The following MEGF10 variants were observed in gnomAD, a reference collection of about 807,000 sequenced individuals.
MEGF10 encodes the protein multiple EGF like domains 10.
A neutral mutation model predicts 147.5 loss-of-function variants in MEGF10; 86 were observed. That is an observed-to-expected ratio of 0.58 (90% CI 0.49 to 0.70). The LOEUF (loss-of-function observed/expected upper bound fraction) is 0.70. Among genes scored for constraint, MEGF10 ranks in the 30% least tolerant of loss-of-function variants. The pLI, the probability that MEGF10 is intolerant of heterozygous loss-of-function variation, is 0.00. For missense variants in MEGF10, 1,329 were observed against 1,487.3 expected (o/e 0.89, Z 1.75); for synonymous variants, 478 against 525.5 (o/e 0.91, Z 1.24).
chr5:127,442,536 T>C lies in MEGF10; in HGVS notation c.2363-462T>C, dbSNP rs74811726. Among the ~76,000 whole-genome samples, 1,348 of 152,298 alleles carry C rather than the reference T, an allele frequency of 8.9e-3. 8 individuals carry two copies. The highest frequency in any genetic ancestry group is 0.017 in the Middle Eastern group (5 of 294). Reference sequence around the variant, plus strand: ...TGCATCTTCCCCTATTCCTGGCTAATTCAATTGAGAATGTGCGTTTATGAA... The same window carrying C: ...TGCATCTTCCCCTATTCCTGGCTAACTCAATTGAGAATGTGCGTTTATGAA... On this transcript the variant is annotated intron_variant, in intron 18 of 24. Transcript: ENST00000503335.
the MEGF10 span, among the ~76,000 whole-genome samples, chr5:127,257,382 A>G: frequency 1.3e-5 from 2 of 151,502 alleles, no homozygotes; most frequent in South Asian, 4.2e-4. Flanking sequence ...TCTTTGGGAA[A>G]GAAAGAGAAT....
At chr5:127,426,576 C>A (rs1580856682) in intron 13 of MEGF10, among the ~76,000 whole-genome samples, 1 of 152,120 alleles carries the variant, frequency 6.6e-6, no homozygotes, top group South Asian at 2.1e-4. Flanking sequence ...GGTACACACA[C>A]ACACTCTCTC....
intron 4 of MEGF10, among the ~76,000 whole-genome samples, chr5:127,345,105 G>A (rs751576919): frequency 2.0e-5 from 3 of 152,192 alleles, no homozygotes; most frequent in African/African-American, 4.8e-5. Context: ...GTCCCAGGAC[G>A]AGGCTCTCAT....
chr5:127,371,815 G>A (rs1460850298), intron 5 of MEGF10, among the ~76,000 whole-genome samples: 1 of 152,146 alleles, frequency 6.6e-6, no homozygotes, highest in East Asian at 1.9e-4. Flanking sequence ...ATATGATATT[G>A]AAGCAACTTT....
intron 9 of MEGF10, among the ~76,000 whole-genome samples, chr5:127,416,321 C>A (rs1170871987): frequency 6.6e-6 from 1 of 151,862 alleles, no homozygotes; most frequent in Non-Finnish European, 1.5e-5. Flanking sequence ...AGCCACCATG[C>A]CTGGCCCAAG....
chr5:127,397,657 C>T (rs906933716), intron 6 of MEGF10, among the ~76,000 whole-genome samples: 1 of 152,176 alleles, frequency 6.6e-6, no homozygotes, highest in African/African-American at 2.4e-5. Flanking sequence ...TTGCATTAGC[C>T]TAGAAAGCCC....
intron 5 of MEGF10, among the ~76,000 whole-genome samples, chr5:127,376,895 C>T (rs78366830): frequency 0.021 from 3,171 of 152,192 alleles, 55 homozygotes; most frequent in South Asian, 0.077. Context: ...CTTTAATCAC[C>T]GTGGTATGGG....
intron 5 of MEGF10, among the ~76,000 whole-genome samples, chr5:127,371,064 T>C (rs1762828388): frequency 6.6e-6 from 1 of 152,208 alleles, no homozygotes; most frequent in African/African-American, 2.4e-5. Context: ...TAGGACTACT[T>C]GTTTCGGACT....
chr5:127,278,559 A>G, the MEGF10 span, among the ~76,000 whole-genome samples: 1 of 152,224 alleles, frequency 6.6e-6, no homozygotes, highest in African/African-American at 2.4e-5. Flanking sequence ...GAGAGAATTA[A>G]TAATGCAGGA....
the MEGF10 span, among the ~76,000 whole-genome samples, chr5:127,251,657 A>G: frequency 6.6e-6 from 1 of 152,036 alleles, no homozygotes; most frequent in Non-Finnish European, 1.5e-5. Context: ...ATTTAGACAT[A>G]TGCCTTAAAC....
intron 8 of MEGF10, among the ~76,000 whole-genome samples, chr5:127,407,957 G>A (rs1233561924): frequency 2.0e-5 from 3 of 152,168 alleles, no homozygotes; most frequent in Non-Finnish European, 2.9e-5. Context: ...AACATAAAAT[G>A]GGAATATGAA....
chr5:127,445,309 T>C, intron 19 of MEGF10, 148 bp from the exon 20 acceptor site: 7 of 668,558 alleles, frequency 1.0e-5, no homozygotes, highest in Non-Finnish European at 1.8e-5. Flanking sequence ...GAGGAATGTT[T>C]GCTTTTTCTT....
At chr5:127,291,224 ATTG>A (rs1446783353) in intron 1 of MEGF10, among the ~76,000 whole-genome samples, 168 bp downstream of exon 1, 1 of 152,006 alleles carries the variant, frequency 6.6e-6, no homozygotes, top group African/African-American at 2.4e-5. Flanking sequence ...TTAAGGGTTT[ATTG>A]TTGTTTGCAT....
chr5:127,401,254 C>G (rs1025192952), intron 7 of MEGF10, among the ~76,000 whole-genome samples: 23 of 152,130 alleles, frequency 1.5e-4, no homozygotes, highest in African/African-American at 5.3e-4. Context: ...ACATCCATTC[C>G]CCTCCCCACA....
At chr5:127,245,283 A>G in the MEGF10 span, among the ~76,000 whole-genome samples, 1 of 152,200 alleles carries the variant, frequency 6.6e-6, no homozygotes, top group Admixed American at 6.5e-5. Context: ...AACAGAACAG[A>G]GGCCTCAGAA....
the MEGF10 span, among the ~76,000 whole-genome samples, chr5:127,280,696 A>C: frequency 6.6e-6 from 1 of 151,834 alleles, no homozygotes; most frequent in Non-Finnish European, 1.5e-5. Context: ...GGCATGCTGG[A>C]TCCCTGATTG....
At chr5:127,247,449 GAAGAAGAAGAA>G in the MEGF10 span, among the ~76,000 whole-genome samples, 1 of 125,150 alleles carries the variant, frequency 8.0e-6, no homozygotes, top group African/African-American at 3.5e-5. Flanking sequence ...AGAAGAAGAA[GAAGAAGAAGAA>G]GAAGAAGAAG....
chr5:127,279,011 G>T, the MEGF10 span, among the ~76,000 whole-genome samples: 5 of 152,190 alleles, frequency 3.3e-5, no homozygotes, highest in African/African-American at 1.2e-4. Flanking sequence ...AATTGCACCA[G>T]TGCCACCATG....
chr5:127,265,567 C>T, the MEGF10 span, among the ~76,000 whole-genome samples: 4 of 152,140 alleles, frequency 2.6e-5, no homozygotes, highest in African/African-American at 9.7e-5. Flanking sequence ...TTCTCCACAT[C>T]CTCTCCAGCA....
Sources: allele counts gnomAD v4.1 joint callset (sites outside exome capture counted in the v4.1 genomes callset), GRCh38; gene constraint gnomAD v4.1.1; transcripts MANE v1.5; gene names NCBI Gene and HGNC (gene_info 2026-07-23, HGNC 2026-07-21).